PLOD3: variants seen among roughly 807,000 people sequenced by gnomAD.
PLOD3 encodes multifunctional procollagen lysine hydroxylase and glycosyltransferase LH3.
Under a neutral mutation model 96.9 loss-of-function variants are expected in PLOD3, and 73 were observed. That is an observed-to-expected ratio of 0.75 (90% CI 0.62 to 0.92). PLOD3 has a LOEUF of 0.92. Among genes scored for constraint, PLOD3 ranks in the 40% least tolerant of loss-of-function variants. The probability of loss-of-function intolerance (pLI) is 0.00; values close to 1 mark genes in which losing one functional copy is unlikely to be tolerated. For missense variants in PLOD3, 1,004 were observed against 1,004.3 expected, an observed-to-expected ratio of 1.00 and a Z score of 0.00; for synonymous variants, 454 against 413.7, an observed-to-expected ratio of 1.10 and a Z score of -1.18.
intron 8 of PLOD3, 72 bp downstream of exon 8, chr7:101,212,770 C>A (rs1159896427): frequency 6.4e-7 from 1 of 1,570,046 alleles, no homozygotes. Flanking sequence ...CACCGCCCCC[C>A]AGTCCGCTGT....
chr7:101,217,129 GC>G (rs1798290939), intron 1 of PLOD3, 36 bp downstream of exon 1: 4 of 1,441,044 alleles, frequency 2.8e-6, no homozygotes, highest in Non-Finnish European at 2.7e-6. Flanking sequence ...GCCAGCCTCT[GC>G]CCCCTCGGCC....
intron 6 of PLOD3, among the ~76,000 whole-genome samples, chr7:101,214,779 G>T (rs1798241761): frequency 6.6e-6 from 1 of 152,306 alleles, no homozygotes; most frequent in African/African-American, 2.4e-5. Context: ...GGAGGCTGCA[G>T]TGAGCCAAGA....
Position 101,213,042 on chromosome 7 carries a change from A to C in PLOD3, c.777+65T>G, listed in dbSNP as rs1798211792. 2.7e-6 allele frequency: 3 copies of C among 1,120,806 alleles called. No individual in the cohort carries two copies. The African/African-American group carries it at 4.8e-5, about 18-fold the overall frequency. 69.4% of individuals were successfully genotyped at this position (1,120,806 alleles called of 1,614,324 possible). A position where few individuals can be genotyped will look rare whatever the true frequency, so the allele number is the denominator to read the frequency against. On this transcript the variant is annotated intron_variant, in intron 7 of 18. Coordinates refer to ENST00000223127, the MANE Select transcript of PLOD3 (RefSeq NM_001084.5). ...GGGGGCTGGGAAGGGCCAGCTTCTC[A>C]GAAGGGTTGGAGGTGCCTGGGGGTT...
rs552298405 is a variant in PLOD3 at position 101,209,561 on chromosome 7, T to G, written c.1683+532A>C. Among the ~76,000 whole-genome samples, 1,026 of 150,550 alleles carry G rather than the reference T, an allele frequency of 6.8e-3. 17 individuals are homozygous for G. Among genetic ancestry groups the G allele is most frequent in the African/African-American group, 0.023 (961 of 41,136 alleles). ...CCTGACTAATTTTTGTGTTTTTTTT[T>G]TTTTTTTTTTTGGTAGAGACAGGAT... On this transcript the variant is annotated intron_variant, in intron 15 of 18. Coordinates refer to ENST00000223127, the MANE Select transcript of PLOD3 (RefSeq NM_001084.5).
intron 6 of PLOD3, chr7:101,213,644 G>A (rs910282540): frequency 3.6e-5 from 7 of 192,692 alleles, no homozygotes; most frequent in African/African-American, 1.2e-4. Flanking sequence ...AGCCTTTCAG[G>A]TAGCTGAGAC....
chr7:101,210,862 T>C, intron 12 of PLOD3, 189 bp from the exon 13 acceptor site: 1 of 610,500 alleles, frequency 1.6e-6, no homozygotes, highest in East Asian at 2.8e-5. Context: ...TACCCCAAGC[T>C]GTGGCACTTC....
chr7:101,212,046 T>C, intron 10 of PLOD3, 96 bp from the exon 11 acceptor site: 1 of 1,028,844 alleles, frequency 9.7e-7, no homozygotes, highest in Non-Finnish European at 1.5e-6. Context: ...AGGGAGGCAG[T>C]GTCTATCCTT....
At chr7:101,207,267 C>A (rs944636600) in intron 17 of PLOD3, among the ~76,000 whole-genome samples, 1 of 152,098 alleles carries the variant, frequency 6.6e-6, no homozygotes, top group African/African-American at 2.4e-5. Flanking sequence ...TGAGCCACCA[C>A]GCCCGGCCAT....
Position 101,206,185 on chromosome 7 carries a change from G to C in PLOD3, c.*96C>G. ...ACGCGGAACATGAACTCAGGAAGTG[G>C]GGAGACAGAGAGACCCATCCCCCAA... On this transcript the variant is annotated 3_prime_UTR_variant, in exon 19 of 19. Coordinates refer to ENST00000223127, the MANE Select transcript of PLOD3 (RefSeq NM_001084.5). 8.3e-7 allele frequency: 1 copy of C among 1,210,598 alleles called. No individual in the cohort carries two copies. Among genetic ancestry groups the C allele is most frequent in the Non-Finnish European group, 1.2e-6 (1 of 813,168 alleles). 75.0% of individuals were successfully genotyped at this position (1,210,598 alleles called of 1,614,324 possible).
chr7:101,216,719 C>G lies in PLOD3; in HGVS notation c.177G>C (p.Ala59=), dbSNP rs768437729. ...TEGYLRFLRS[A]EFFNYTVRTL... ...CCCGCACAGTGTAGTTGAAGAACTC[C>G]GCAGAGCGCAGGAAACGCAGGTACC... Residue 59 remains alanine (A), a synonymous_variant, in exon 2 of 19, where the codon GCG becomes GCC. Coordinates refer to ENST00000223127, the MANE Select transcript of PLOD3 (RefSeq NM_001084.5). The G allele has an allele frequency of 5.0e-6, 8 of 1,613,778 alleles. No homozygotes were observed. In the East Asian group the frequency reaches 1.6e-4, roughly 31 times the overall value.
chr7:101,216,674 G>C (rs368942135), intron 2 of PLOD3, 21 bp downstream of exon 2: 2 of 1,610,112 alleles, frequency 1.2e-6, no homozygotes, highest in African/African-American at 2.7e-5. Context: ...CCCCCTCCCA[G>C]GGGCCTTTCC....
chr7:101,210,503 C>T (rs758141221), intron 13 of PLOD3, 29 bp downstream of exon 13: 4 of 1,614,116 alleles, frequency 2.5e-6, no homozygotes, highest in Non-Finnish European at 2.5e-6. Flanking sequence ...GGGGACTGCC[C>T]CCAGGCCAGA....
At position 101,206,371 on chromosome 7, in the gene PLOD3, G is replaced by C. The variant is rs151277128; in HGVS notation, c.2127C>G (p.Leu709=). The stretch of plus-strand genomic sequence containing the variant: ...AGTGGGTGAGGCGGCCGGGGTGCAG[G>C]AGTGCCCAGCCCTTCCTCGGGGAGG... The part of the protein sequence containing the change: ...VISSPRKGWA[L]LHPGRLTHYH... Residue 709 remains leucine, a synonymous_variant, in exon 19 of 19, where the codon CTC becomes CTG. Transcript: ENST00000223127. 8 of 1,613,770 alleles carry C rather than the reference G, an allele frequency of 5.0e-6. No individual in the cohort carries two copies. Among genetic ancestry groups the C allele is most frequent in the Non-Finnish European group, 6.8e-6 (8 of 1,179,772 alleles).
In PLOD3 at chr7:101,212,902, C is replaced by G; in HGVS notation, c.819G>C (p.Trp273Cys). 1 of 1,613,866 alleles carries G rather than the reference C, an allele frequency of 6.2e-7. No homozygotes were observed. Among genetic ancestry groups the G allele is most frequent in the Non-Finnish European group, 8.5e-7 (1 of 1,179,822 alleles). ...AGAAGCCACAGCCTCCCTCAGGAGT[C>G]CAGCCATTGGGGACGTAGTTTCCCA... ...NYLGNYVPNG[W>C]TPEGGCGFCN... Residue 273 changes from tryptophan to cysteine, a missense_variant, in exon 8 of 19, where the codon TGG becomes TGC. Around this residue, in one of 5 missense-constraint regions of PLOD3, gnomAD observed 690 missense variants for 650.2 expected, o/e 1.06. Coordinates refer to ENST00000223127, the MANE Select transcript of PLOD3 (RefSeq NM_001084.5).
intron 14 of PLOD3, 42 bp downstream of exon 14, chr7:101,210,289 G>T: frequency 6.5e-7 from 1 of 1,550,368 alleles, no homozygotes; most frequent in Non-Finnish European, 8.9e-7. Context: ...CTTAGCACAA[G>T]GCGGGGAACC....
At chr7:101,213,503 CTTG>C (rs1798221217) in intron 6 of PLOD3, 5 of 393,744 alleles carry the variant, frequency 1.3e-5, no homozygotes, top group African/African-American at 6.4e-5. Flanking sequence ...TCTCTCTCTC[CTTG>C]TTTTTTTTTT....
chr7:101,211,694 A>G lies in PLOD3; in HGVS notation c.1255T>C (p.Ser419Pro), dbSNP rs747314273. 3 of 1,606,142 alleles carry G rather than the reference A, an allele frequency of 1.9e-6. No homozygotes were observed. ...ENRKVIAPML[S>P]RHGKLWSNFW... ...TTGGACCACAGCTTGCCGTGGCGGG[A>G]CAGCATGGGGGCGATCACCTTCCTG... is the stretch of plus-strand genomic sequence containing the variant. Residue 419 changes from serine (S) to proline (P), a missense_variant, in exon 12 of 19, where the codon TCC becomes CCC. Physicochemically the swap from Ser to Pro is moderately conservative, Grantham distance 74. Around this residue, in one of 5 missense-constraint regions of PLOD3, gnomAD observed 690 missense variants for 650.2 expected, o/e 1.06. Coordinates refer to ENST00000223127, the MANE Select transcript of PLOD3 (RefSeq NM_001084.5).
At chr7:101,206,598 C>A (rs912601016) in intron 18 of PLOD3, among the ~76,000 whole-genome samples, 162 bp from the exon 19 acceptor site, 2 of 152,056 alleles carry the variant, frequency 1.3e-5, no homozygotes, top group Non-Finnish European at 2.9e-5. Context: ...GGGGTGCCTG[C>A]AGACAGGAAG....
intron 1 of PLOD3, 185 bp downstream of exon 1, chr7:101,216,981 G>T: frequency 1.3e-6 from 1 of 777,510 alleles, no homozygotes; most frequent in Non-Finnish European, 2.1e-6. Context: ...CCTTTGCATA[G>T]GGAGGCTGGA....
Sources: gnomAD v4.1 joint callset for allele counts (sites outside exome capture counted in the v4.1 genomes callset) on GRCh38, gnomAD v4.1.1 for gene constraint, gnomAD v4.1.1 regional missense constraint, MANE v1.5 for transcripts, NCBI Gene and HGNC (gene_info 2026-07-23, HGNC 2026-07-21) for gene names.